Variants in MYOM1 observed in about 807,000 individuals in gnomAD.
The protein encoded by MYOM1 is myomesin 1.
Under a neutral mutation model 205.3 loss-of-function variants are expected in MYOM1, and 164 were observed. The ratio of observed to expected loss-of-function variants is 0.80; its 90% CI spans 0.70 to 0.91. MYOM1 has a LOEUF of 0.91. Ranked by LOEUF, MYOM1 falls within the 40% of genes least tolerant of loss-of-function variation. The pLI, the probability that MYOM1 is intolerant of heterozygous loss-of-function variation, is 0.00. For missense variants in MYOM1, 2,011 were observed against 2,127.3 expected (o/e 0.95, Z 1.08); for synonymous variants, 772 against 789.4 (o/e 0.98, Z 0.37).
chr18:3,105,809 C>T (rs1449852867), intron 22 of MYOM1, among the ~76,000 whole-genome samples: 1 of 152,158 alleles, frequency 6.6e-6, no homozygotes, highest in African/African-American at 2.4e-5. Context: ...GAGCTGAGAT[C>T]ACACCACTGC....
chr18:3,089,064 C>T, intron 29 of MYOM1, 110 bp downstream of exon 29: 2 of 626,516 alleles, frequency 3.2e-6, no homozygotes, highest in Non-Finnish European at 2.8e-6. Context: ...AATATGTGTC[C>T]CACTTATCAT....
chr18:3,071,834 C>T lies in MYOM1; in HGVS notation c.4764G>A (p.Lys1588=), dbSNP rs1314931794. ...AGGCACAGGCAGGCTTCATGCTTAC[C>T]TTCCCCTCCTGGATGGTGACCACGT... is the stretch of plus-strand genomic sequence containing the variant. The part of the protein sequence containing the change: ...LPDVVTIQEG[K]ALNLTCNVWG... The change falls in exon 37 of 38, where the codon AAG becomes AAA. Residue 1588 remains lysine (K), a splice_region_variant and synonymous_variant. Transcript: ENST00000356443. 9.4e-6 allele frequency: 15 copies of T among 1,600,096 alleles called. No homozygotes were observed. Among genetic ancestry groups the T allele is most frequent in the Non-Finnish European group, 1.3e-5 (15 of 1,173,230 alleles).
intron 36 of MYOM1, among the ~76,000 whole-genome samples, chr18:3,075,100 A>G (rs553863671): frequency 6.6e-6 from 1 of 152,194 alleles, no homozygotes; most frequent in South Asian, 2.1e-4. Flanking sequence ...TGGCCCTTAC[A>G]ATGTTTCTTG....
chr18:3,132,118 G>GTATA (rs1555621173), intron 16 of MYOM1, among the ~76,000 whole-genome samples: 3,483 of 143,378 alleles, frequency 0.024, 125 homozygotes, highest in African/African-American at 0.079. Context: ...ATATGTGTGT[G>GTATA]TATATATATA....
At chr18:3,202,846 C>A (rs139075595) in intron 2 of MYOM1, among the ~76,000 whole-genome samples, 1 of 151,938 alleles carries the variant, frequency 6.6e-6, no homozygotes, top group African/African-American at 2.4e-5. Context: ...TACCCAAGGA[C>A]GACAGAATAC....
chr18:3,216,385 A>C (rs758802713), intron 1 of MYOM1, among the ~76,000 whole-genome samples: 1 of 152,238 alleles, frequency 6.6e-6, no homozygotes, highest in African/African-American at 2.4e-5. Flanking sequence ...AGAGAAAACA[A>C]GTAAGTCAAG....
In MYOM1 at chr18:3,067,048, G is replaced by T; in HGVS notation, c.*214C>A. The stretch of plus-strand genomic sequence containing the variant: ...AACTGTTTCCTAATCTTCATGCTAT[G>T]AATGGTATTTTCTTAACACATAATT... On this transcript the variant is annotated 3_prime_UTR_variant, in exon 38 of 38. Transcript: ENST00000356443. 1 of 573,922 alleles carries T rather than the reference G, an allele frequency of 1.7e-6. No homozygotes were observed. Among genetic ancestry groups the T allele is most frequent in the Non-Finnish European group, 3.1e-6 (1 of 327,756 alleles). The allele number at this position is 573,922 out of a possible 1,614,324, so 35.6% of individuals were successfully genotyped here. A position where few individuals can be genotyped will look rare whatever the true frequency, so the allele number is the denominator to read the frequency against.
intron 8 of MYOM1, among the ~76,000 whole-genome samples, chr18:3,173,573 CGTGTGTGTGTGTGTGT>C (rs71159051): frequency 2.0e-4 from 28 of 136,906 alleles, no homozygotes; most frequent in Non-Finnish European, 3.0e-4. Context: ...AGTCCAGACT[CGTGTGTGTGTGTGTGT>C]GTGTGTGTGT....
chr18:3,191,059 A>G (rs578051271), intron 3 of MYOM1, among the ~76,000 whole-genome samples: 2 of 152,336 alleles, frequency 1.3e-5, no homozygotes, highest in South Asian at 4.1e-4. Context: ...ATTCTCCTTT[A>G]AGTAAAAGTC....
In MYOM1 at chr18:3,179,859, G is replaced by A. The variant is rs1489056740; in HGVS notation, c.930-3725C>T. Among the ~76,000 whole-genome samples the A allele has an allele frequency of 6.6e-6, 1 of 152,188 alleles. No homozygotes were observed. The highest frequency in any genetic ancestry group is 1.5e-5 in the Non-Finnish European group (1 of 68,038). ...GCTCTGCTCTTTCTTGTGCTGGAGG[G>A]TTTTCAGTGGTTCCTCTTTGCCTAA... On this transcript the variant is annotated intron_variant, in intron 5 of 37. Coordinates refer to ENST00000356443, the MANE Select transcript of MYOM1 (RefSeq NM_003803.4). The surrounding 1 kb of genome is among the most constrained non-coding windows in gnomAD (Gnocchi z 4.4).
Position 3,083,890 on chromosome 18 carries a change from C to A in MYOM1, c.4383G>T (p.Leu1461Phe), listed in dbSNP as rs200144975. 25 of 1,578,818 alleles carry A rather than the reference C, an allele frequency of 1.6e-5. No homozygotes were observed. The African/African-American group carries it at 3.1e-4, about 20-fold the overall frequency. The change falls in exon 33 of 38, where the codon TTG becomes TTT. Residue 1461 changes from leucine (L) to phenylalanine (F), a missense_variant. Transcript: ENST00000356443. ...LMMEVCKKIA[L>F]SATDLKIQST... Reference sequence around the variant, plus strand: ...TCTGGATTTTCAGGTCTGTAGCAGACAAAGCTGAAAGAAGAAAATAGCATA... The same window carrying A: ...TCTGGATTTTCAGGTCTGTAGCAGAAAAAGCTGAAAGAAGAAAATAGCATA...
At chr18:3,202,895 A>G (rs1323899435) in intron 2 of MYOM1, among the ~76,000 whole-genome samples, 1 of 152,110 alleles carries the variant, frequency 6.6e-6, no homozygotes, top group Non-Finnish European at 1.5e-5. Context: ...TTCATATGGT[A>G]GTCCACAAAA....
rs1184362734 is a variant in MYOM1 at position 3,193,868 on chromosome 18, T to G, written c.381A>C (p.Glu127Asp). Residue 127 changes from glutamate to aspartate, a missense_variant, in exon 3 of 38, where the codon GAA (glutamate) becomes GAC (aspartate). By Grantham distance (45) the Glu-to-Asp change is conservative (BLOSUM62 2). Coordinates refer to ENST00000356443, the MANE Select transcript of MYOM1 (RefSeq NM_003803.4). The stretch of plus-strand genomic sequence containing the variant: ...AGTCACTGGGCAAATTTTCTTTCTC[T>G]TCTCCAGACAGTAGGCTGTGCTTGG... ...KRAKHSLLSG[E>D]EKENLPSDYM... is the part of the protein sequence containing the mutation. 1 of 1,613,938 alleles carries G rather than the reference T, an allele frequency of 6.2e-7. No homozygotes were observed. Among genetic ancestry groups the G allele is most frequent in the South Asian group, 1.1e-5 (1 of 91,084 alleles).
chr18:3,222,448 G>A (rs1218365925), upstream of MYOM1, among the ~76,000 whole-genome samples: 1 of 152,168 alleles, frequency 6.6e-6, no homozygotes, highest in African/African-American at 2.4e-5. Flanking sequence ...TGCTTTCACA[G>A]GGATCTTGAG....
rs752623850 is a variant in MYOM1, at chr18:3,075,487, G to C, written c.4686-11C>G. 1 of 1,554,596 alleles carries C rather than the reference G, an allele frequency of 6.4e-7. No individual in the cohort carries two copies. The highest frequency in any genetic ancestry group is 8.6e-7 in the Non-Finnish European group (1 of 1,158,940). ...GCAATGGCAGCTTGTCTGTGGTTGAGAGAAACGAACAAACAGACGAAGAAT... is the reference window on the plus strand; with the variant it reads ...GCAATGGCAGCTTGTCTGTGGTTGACAGAAACGAACAAACAGACGAAGAAT... On this transcript the variant is annotated splice_polypyrimidine_tract_variant and intron_variant, in intron 35 of 37. Coordinates refer to ENST00000356443, the MANE Select transcript of MYOM1 (RefSeq NM_003803.4).
At chr18:3,115,886 C>G (rs963078242) in intron 21 of MYOM1, among the ~76,000 whole-genome samples, 2 of 152,062 alleles carry the variant, frequency 1.3e-5, no homozygotes, top group African/African-American at 2.4e-5. Flanking sequence ...GAGGAGGTAA[C>G]GTGAGACAGG....
At chr18:3,176,172 T>C (rs1309531106) in intron 5 of MYOM1, 38 bp from the exon 6 acceptor site, 3 of 1,227,048 alleles carry the variant, frequency 2.4e-6, no homozygotes, top group Admixed American at 1.7e-5. Context: ...TAAGTTGAAG[T>C]GTAAACAACT....
chr18:3,245,989 T>A, the MYOM1 span: 9 of 152,190 alleles, frequency 5.9e-5, no homozygotes, highest in African/African-American at 1.9e-4. Flanking sequence ...CCGGAAAGCA[T>A]AAGCCACAGC....
chr18:3,210,406 G>A (rs2081177886), intron 2 of MYOM1, among the ~76,000 whole-genome samples: 1 of 152,170 alleles, frequency 6.6e-6, no homozygotes, highest in Non-Finnish European at 1.5e-5. Flanking sequence ...GTGACATAGG[G>A]GTAGGTGAGG....
Sources: gnomAD v4.1 joint callset for allele counts (sites outside exome capture counted in the v4.1 genomes callset) on GRCh38, gnomAD v4.1.1 for gene constraint, Gnocchi (gnomAD v3.1) non-coding constraint, MANE v1.5 for transcripts, NCBI Gene and HGNC (gene_info 2026-07-23, HGNC 2026-07-21) for gene names.